Variants in TRIQK observed in about 807,000 individuals in gnomAD.
TRIQK encodes the protein triple QxxK/R motif containing.
Under a neutral mutation model 10.8 loss-of-function variants are expected in TRIQK, and 10 were observed. The observed-to-expected ratio is 0.92, with a 90% CI of 0.57 to 1.57. The LOEUF (loss-of-function observed/expected upper bound fraction) is 1.57, where lower values mean the gene tolerates loss of function less well. Ranked by LOEUF, TRIQK falls within the 40% of genes most tolerant of loss-of-function variation. TRIQK has a pLI of 0.00. For missense variants in TRIQK, 107 were observed against 97.7 expected, an observed-to-expected ratio of 1.09 and a Z score of -0.40; for synonymous variants, 33 against 33.7, an observed-to-expected ratio of 0.98 and a Z score of 0.07.
chr8:93,012,076 A>C (rs914364244), intron 1 of TRIQK, among the ~76,000 whole-genome samples: 2 of 152,204 alleles, frequency 1.3e-5, no homozygotes, highest in Non-Finnish European at 2.9e-5. Flanking sequence ...AATAGAAAAT[A>C]AAATAAAAAA....
chr8:92,943,825 C>CA (rs1360039572), intron 2 of TRIQK, among the ~76,000 whole-genome samples: 1 of 151,510 alleles, frequency 6.6e-6, no homozygotes, highest in East Asian at 1.9e-4. Flanking sequence ...GCAACAAAAG[C>CA]AAAAAATAGA....
At chr8:92,968,101 A>G (rs1427849618), upstream of TRIQK, among the ~76,000 whole-genome samples, 1 of 152,156 alleles carries the variant, frequency 6.6e-6, no homozygotes, top group South Asian at 2.1e-4. Flanking sequence ...CCATATAAAG[A>G]CATATATTAT....
chr8:92,970,221 C>A (rs1014980290), upstream of TRIQK, among the ~76,000 whole-genome samples: 1 of 152,118 alleles, frequency 6.6e-6, no homozygotes, highest in African/African-American at 2.4e-5. Flanking sequence ...GATTCTATGT[C>A]TTTGCTATGG....
At chr8:92,951,371 A>G (rs533023894) in intron 2 of TRIQK, among the ~76,000 whole-genome samples, 2 of 152,212 alleles carry the variant, frequency 1.3e-5, no homozygotes, top group Admixed American at 6.6e-5. Context: ...GATTCTTAAG[A>G]AAAATGAGGA....
At chr8:92,891,151 T>G (rs1196397227) in intron 4 of TRIQK, among the ~76,000 whole-genome samples, 1 of 151,862 alleles carries the variant, frequency 6.6e-6, no homozygotes. Flanking sequence ...CAACCAAATA[T>G]ATCATCTGGC....
chr8:92,951,256 T>C (rs986599196), intron 2 of TRIQK, among the ~76,000 whole-genome samples: 1 of 152,086 alleles, frequency 6.6e-6, no homozygotes, highest in Admixed American at 6.6e-5. Context: ...AAATCTATCA[T>C]AGGCTTCCAG....
At chr8:93,013,061 C>T (rs940936606) in intron 1 of TRIQK, among the ~76,000 whole-genome samples, 5 of 152,110 alleles carry the variant, frequency 3.3e-5, no homozygotes, top group Admixed American at 2.0e-4. Context: ...AGGAATCAAA[C>T]AGGCTTTGCT....
rs374470860 is a variant in TRIQK, at chr8:92,992,019, G to A, written c.-181+25590C>T. ...GAAATAAAAGAGGACACAAACAAAT[G>A]GAAGAACTGCACTCCAGCCTGGGTG... On this transcript the variant is annotated intron_variant, in intron 1 of 4. Transcript: ENST00000520686. 2.0e-4 allele frequency among the ~76,000 whole-genome samples: 31 copies of A among 152,188 alleles called. No homozygotes were observed. In the South Asian group the frequency reaches 3.1e-3, roughly 15 times the overall value.
chr8:92,924,405 ACTAGG>A (rs1353352966), intron 2 of TRIQK, among the ~76,000 whole-genome samples: 1 of 152,036 alleles, frequency 6.6e-6, no homozygotes, highest in African/African-American at 2.4e-5. Context: ...GTTCCAGTGC[ACTAGG>A]AAATTCAGCT....
At chr8:92,906,178 T>G (rs1809249077) in intron 3 of TRIQK, among the ~76,000 whole-genome samples, 1 of 152,080 alleles carries the variant, frequency 6.6e-6, no homozygotes, top group Non-Finnish European at 1.5e-5. Context: ...AGAGGTAACC[T>G]AAAGAAAAGA....
chr8:92,965,549 C>A (rs915569967), intron 1 of TRIQK: 1 of 152,508 alleles, frequency 6.6e-6, no homozygotes, highest in South Asian at 2.1e-4. Context: ...ACCCAGAGAG[C>A]TGCACTGACA....
At chr8:92,889,273 A>G (rs759762313) in intron 4 of TRIQK, among the ~76,000 whole-genome samples, 17 of 151,598 alleles carry the variant, frequency 1.1e-4, no homozygotes, top group Non-Finnish European at 2.1e-4. Context: ...TGATTTCTCA[A>G]TCAGTACTGT....
chr8:92,982,207 A>G (rs1054909919), intron 1 of TRIQK, among the ~76,000 whole-genome samples: 4 of 151,918 alleles, frequency 2.6e-5, no homozygotes, highest in Admixed American at 2.6e-4. Flanking sequence ...GAAATCTGGT[A>G]AATTAGCAGT....
At chr8:93,009,620 A>C (rs768355501) in intron 1 of TRIQK, among the ~76,000 whole-genome samples, 1 of 151,260 alleles carries the variant, frequency 6.6e-6, no homozygotes, top group Non-Finnish European at 1.5e-5. Flanking sequence ...AAAAAAAAAG[A>C]CAACAGATAA....
chr8:92,947,299 G>A (rs891536132), intron 2 of TRIQK, among the ~76,000 whole-genome samples: 3 of 150,370 alleles, frequency 2.0e-5, no homozygotes, highest in South Asian at 2.1e-4. Flanking sequence ...GCCTTCTTTC[G>A]TGGCCGGGCG....
intron 1 of TRIQK, among the ~76,000 whole-genome samples, chr8:92,962,200 T>A (rs963551792): frequency 6.6e-6 from 1 of 152,234 alleles, no homozygotes; most frequent in African/African-American, 2.4e-5. Flanking sequence ...TATGATCAAA[T>A]ATGTATCACT....
chr8:92,900,438 A>C (rs1048643404), intron 3 of TRIQK, among the ~76,000 whole-genome samples: 16 of 152,140 alleles, frequency 1.1e-4, no homozygotes, highest in African/African-American at 3.6e-4. Context: ...ATAGGGTTCT[A>C]GTTGCAGTCT....
intron 2 of TRIQK, among the ~76,000 whole-genome samples, chr8:92,939,095 C>A (rs1811141920): frequency 6.6e-6 from 1 of 152,064 alleles, no homozygotes; most frequent in Non-Finnish European, 1.5e-5. Flanking sequence ...TGTTATTTTA[C>A]TCTTTTAAAA....
intron 1 of TRIQK, among the ~76,000 whole-genome samples, chr8:92,992,292 G>A (rs956405895): frequency 9.9e-5 from 15 of 152,260 alleles, no homozygotes; most frequent in Admixed American, 8.5e-4. Context: ...AGCAAAGATG[G>A]ACTGCTCCTG....
Sources: gnomAD v4.1 joint callset for allele counts (sites outside exome capture counted in the v4.1 genomes callset) on GRCh38, gnomAD v4.1.1 for gene constraint, MANE v1.5 for transcripts, NCBI Gene and HGNC (gene_info 2026-07-23, HGNC 2026-07-21) for gene names.